VWA8: variants seen among roughly 807,000 people sequenced by gnomAD.
VWA8 encodes von Willebrand factor A domain containing 8, also known as von Willebrand factor A domain-containing protein 8.
VWA8 carries 221 observed loss-of-function variants against 241.5 expected under a neutral mutation model. The ratio of observed to expected loss-of-function variants is 0.91; its 90% CI spans 0.82 to 1.02. The LOEUF is 1.02. Among genes scored for constraint, VWA8 ranks in the 50% least tolerant of loss-of-function variants. The probability of loss-of-function intolerance (pLI) is 0.00; values close to 1 mark genes in which losing one functional copy is unlikely to be tolerated. For missense variants in VWA8, 2,322 were observed against 2,328.7 expected, an observed-to-expected ratio of 1.00 and a Z score of 0.06; for synonymous variants, 852 against 827.1, an observed-to-expected ratio of 1.03 and a Z score of -0.52.
intron 42 of VWA8, among the ~76,000 whole-genome samples, chr13:41,579,799 T>C (rs1003217567): frequency 6.6e-6 from 1 of 152,208 alleles, no homozygotes; most frequent in Admixed American, 6.5e-5. Context: ...CTTAAGGGTG[T>C]TGGTTAAACC....
intron 37 of VWA8, among the ~76,000 whole-genome samples, chr13:41,662,455 A>G (rs1455461506): frequency 1.3e-5 from 2 of 151,732 alleles, no homozygotes; most frequent in Non-Finnish European, 2.9e-5. Context: ...ATCAATTGTT[A>G]GTATATAGAA....
chr13:41,637,482 G>T (rs2044766701), intron 37 of VWA8, among the ~76,000 whole-genome samples: 1 of 151,192 alleles, frequency 6.6e-6, no homozygotes, highest in African/African-American at 2.4e-5. Context: ...GTTAATGGGT[G>T]CAGCACACCA....
At chr13:41,852,988 A>G (rs950044533) in intron 12 of VWA8, among the ~76,000 whole-genome samples, 4 of 152,048 alleles carry the variant, frequency 2.6e-5, no homozygotes, top group Non-Finnish European at 5.9e-5. Flanking sequence ...GAAAAATGTC[A>G]TTGGAATTTT....
chr13:41,579,156 G>A (rs1393813475), intron 42 of VWA8, among the ~76,000 whole-genome samples: 2 of 152,106 alleles, frequency 1.3e-5, no homozygotes, highest in South Asian at 2.1e-4. Flanking sequence ...TTTATTATGC[G>A]GCCACATTGT....
chr13:41,863,395 TTGTGTGTGTGTGTGTGTGTGTGTGTGTG>T (rs140177608), intron 12 of VWA8, among the ~76,000 whole-genome samples: 9 of 90,044 alleles, frequency 1.0e-4, no homozygotes, highest in Non-Finnish European at 2.1e-4. Context: ...TATCTCCTAT[TTGTGTGTGTGTGTGTGTGTGTGTGTGTG>T]TGTGTGTGTG....
rs773011687 is a variant in VWA8, at chr13:41,679,485, C to CA, written c.4328-4190dup. Among the ~76,000 whole-genome samples the CA allele has an allele frequency of 3.3e-5, 5 of 152,048 alleles. No individual in the cohort carries two copies. The East Asian group carries it at 7.7e-4, about 24-fold the overall frequency. ...CAAATTTTTGATTTTACCCAAAGTT[C>CA]AAAAAAACATTGTACTGCTTTCAAT... On this transcript the variant is annotated intron_variant, in intron 35 of 44. Transcript: ENST00000379310.
At chr13:41,632,559 A>G (rs12861982) in intron 37 of VWA8, among the ~76,000 whole-genome samples, 4,930 of 152,274 alleles carry the variant, frequency 0.032, 90 homozygotes, top group South Asian at 0.078. Context: ...CCCTCTGGAG[A>G]GGTATTTCTA....
intron 2 of VWA8, among the ~76,000 whole-genome samples, chr13:41,922,623 AGGATAT>A (rs1876605079): frequency 2.0e-5 from 3 of 152,256 alleles, no homozygotes; most frequent in Admixed American, 2.0e-4. Context: ...AAGTGGGCAA[AGGATAT>A]GAACAGACAC....
chr13:41,589,320 A>G (rs146777627), intron 41 of VWA8, among the ~76,000 whole-genome samples: 1 of 152,166 alleles, frequency 6.6e-6, no homozygotes, highest in East Asian at 1.9e-4. Flanking sequence ...ATTTTTTTTC[A>G]GTTATATGAT....
chr13:41,861,266 A>G (rs1356333628), intron 12 of VWA8, among the ~76,000 whole-genome samples: 2 of 152,170 alleles, frequency 1.3e-5, no homozygotes, highest in Non-Finnish European at 2.9e-5. Flanking sequence ...ATACATTAAA[A>G]GACTCCTATA....
intron 40 of VWA8, among the ~76,000 whole-genome samples, chr13:41,602,688 G>A (rs539451760): frequency 6.6e-6 from 1 of 152,228 alleles, no homozygotes; most frequent in Admixed American, 6.5e-5. Context: ...TGCATGCTAG[G>A]CATTGTTTAA....
At chr13:41,886,315 G>A (rs1236551748) in intron 7 of VWA8, among the ~76,000 whole-genome samples, 2 of 151,580 alleles carry the variant, frequency 1.3e-5, no homozygotes, top group Non-Finnish European at 2.9e-5. Context: ...CTAAACTCTA[G>A]CCTCCAAGAG....
intron 12 of VWA8, among the ~76,000 whole-genome samples, chr13:41,847,905 G>A (rs1006892027): frequency 6.6e-6 from 1 of 152,118 alleles, no homozygotes; most frequent in African/African-American, 2.4e-5. Flanking sequence ...ATGTTCAAAT[G>A]ACAAAACTGA....
At chr13:41,749,486 C>T (rs1208590140) in intron 21 of VWA8, among the ~76,000 whole-genome samples, 1 of 152,074 alleles carries the variant, frequency 6.6e-6, no homozygotes, top group East Asian at 1.9e-4. Flanking sequence ...ACCTTTTGAC[C>T]CAGCCATCCC....
chr13:41,719,708 C>A lies in VWA8; in HGVS notation c.2999G>T (p.Arg1000Leu), dbSNP rs202176681. Residue 1000 changes from arginine to leucine, a missense_variant, in exon 26 of 45, where the codon CGA becomes CTA. Physicochemically the swap from Arg to Leu is moderately radical, Grantham distance 102. Transcript: ENST00000379310. ...FPTEGLSSVV[R>L]NVFDFDSYNN... is the part of the protein sequence containing the mutation. ...GTAGGAATCAAAGTCAAACACATTT[C>A]GAACTACACTGGAGAGACCTTCAGT... 3.1e-6 allele frequency: 5 copies of A among 1,612,362 alleles called. No individual in the cohort carries two copies. In the Admixed American group the frequency reaches 8.4e-5, roughly 27 times the overall value.
At chr13:41,855,800 C>T (rs1036195187) in intron 12 of VWA8, among the ~76,000 whole-genome samples, 3 of 152,032 alleles carry the variant, frequency 2.0e-5, no homozygotes, top group East Asian at 1.9e-4. Flanking sequence ...ATGAATTATA[C>T]CTCAGTAAAC....
chr13:41,818,602 T>C (rs1424529566), intron 15 of VWA8, among the ~76,000 whole-genome samples: 2 of 152,078 alleles, frequency 1.3e-5, no homozygotes, highest in African/African-American at 2.4e-5. Flanking sequence ...TTAACATGGC[T>C]AGTGCTACTG....
chr13:41,597,127 A>G (rs1292270809), intron 40 of VWA8, among the ~76,000 whole-genome samples: 1 of 152,130 alleles, frequency 6.6e-6, no homozygotes, highest in Admixed American at 6.6e-5. Context: ...TCATCAAGAA[A>G]TATTTGTTGG....
At chr13:41,694,534 C>A (rs1357470815) in intron 29 of VWA8, among the ~76,000 whole-genome samples, 3 of 151,808 alleles carry the variant, frequency 2.0e-5, no homozygotes, top group African/African-American at 7.3e-5. Flanking sequence ...GTAATGATAT[C>A]TTAGAGTTTT....
Sources: allele counts gnomAD v4.1 joint callset (sites outside exome capture counted in the v4.1 genomes callset), GRCh38; gene constraint gnomAD v4.1.1; transcripts MANE v1.5; gene names NCBI Gene and HGNC (gene_info 2026-07-23, HGNC 2026-07-21).